NRXN1: variants seen among roughly 807,000 people sequenced by gnomAD.
NRXN1 encodes the protein neurexin 1.
NRXN1 carries 39 observed loss-of-function variants against 150.9 expected under a neutral mutation model. The ratio of observed to expected loss-of-function variants is 0.26; its 90% CI spans 0.20 to 0.34. NRXN1 has a LOEUF of 0.34. Among genes scored for constraint, NRXN1 ranks in the 10% least tolerant of loss-of-function variants. The pLI, the probability that NRXN1 is intolerant of heterozygous loss-of-function variation, is 1.00. For synonymous variants in NRXN1, 924 were observed against 757.0 expected (o/e 1.22, Z -3.62); for missense variants, 1,815 against 1,949.9 (o/e 0.93, Z 1.30).
At chr2:50,170,328 C>T (rs2059953380) in intron 18 of NRXN1, among the ~76,000 whole-genome samples, 1 of 152,028 alleles carries the variant, frequency 6.6e-6, no homozygotes, top group Non-Finnish European at 1.5e-5. Flanking sequence ...GACAGTCTCA[C>T]TCTATTGCCC....
intron 5 of NRXN1, among the ~76,000 whole-genome samples, chr2:50,846,891 T>C (rs1192021060): frequency 6.6e-6 from 1 of 152,170 alleles, no homozygotes; most frequent in Non-Finnish European, 1.5e-5. Context: ...AACGAAATAA[T>C]GACCTTAAGA....
chr2:50,808,928 C>T (rs1298224917), intron 5 of NRXN1, among the ~76,000 whole-genome samples: 1 of 152,124 alleles, frequency 6.6e-6, no homozygotes, highest in Non-Finnish European at 1.5e-5. Flanking sequence ...ACCATCCTGA[C>T]TCATAAAATT....
intron 5 of NRXN1, among the ~76,000 whole-genome samples, chr2:50,701,030 C>T (rs955587203): frequency 1.3e-5 from 2 of 152,028 alleles, no homozygotes; most frequent in Admixed American, 6.6e-5. Flanking sequence ...ACATCATAGA[C>T]AGAAATAAAA....
intron 6 of NRXN1, among the ~76,000 whole-genome samples, chr2:50,623,048 C>T (rs1446027551): frequency 6.6e-6 from 1 of 152,120 alleles, no homozygotes; most frequent in Non-Finnish European, 1.5e-5. Context: ...ACACACATCA[C>T]AGGAAGGGCA....
At chr2:49,976,705 C>A (rs1679059280) in intron 21 of NRXN1, among the ~76,000 whole-genome samples, 1 of 152,226 alleles carries the variant, frequency 6.6e-6, no homozygotes, top group East Asian at 1.9e-4. Flanking sequence ...CTTCACATCT[C>A]ATATCAACTT....
At chr2:49,930,634 C>T (rs12617277) in intron 22 of NRXN1, among the ~76,000 whole-genome samples, 32,321 of 152,060 alleles carry the variant, frequency 0.21, 3,650 homozygotes, top group East Asian at 0.3. Flanking sequence ...AATGTTTCAT[C>T]CAATAGTTTT....
intron 5 of NRXN1, among the ~76,000 whole-genome samples, chr2:50,774,874 C>T (rs1304201285): frequency 6.6e-6 from 1 of 152,140 alleles, no homozygotes; most frequent in African/African-American, 2.4e-5. Context: ...ATCCCAATCA[C>T]CAATCGAATT....
intron 5 of NRXN1, among the ~76,000 whole-genome samples, chr2:50,676,378 G>A (rs1056126350): frequency 5.9e-5 from 9 of 152,050 alleles, no homozygotes; most frequent in Admixed American, 3.9e-4. Context: ...CACAAGTCCC[G>A]AAGAAGAAGG....
chr2:50,826,262 T>A (rs2105855047), intron 5 of NRXN1, among the ~76,000 whole-genome samples: 1 of 152,238 alleles, frequency 6.6e-6, no homozygotes, highest in African/African-American at 2.4e-5. Flanking sequence ...AAGCTAGTCA[T>A]GTAATCTTCT....
At chr2:50,990,980 A>G (rs1698458287) in intron 2 of NRXN1, among the ~76,000 whole-genome samples, 2 of 152,006 alleles carry the variant, frequency 1.3e-5, no homozygotes, top group Non-Finnish European at 2.9e-5. Flanking sequence ...GACATTATTC[A>G]TTTGTTTATT....
chr2:50,776,844 C>T (rs1307585179), intron 5 of NRXN1, among the ~76,000 whole-genome samples: 2 of 152,054 alleles, frequency 1.3e-5, no homozygotes, highest in South Asian at 2.1e-4. Context: ...CCACATCACA[C>T]TGTCAATATC....
intron 19 of NRXN1, among the ~76,000 whole-genome samples, chr2:50,078,924 T>G (rs1173117297): frequency 6.6e-6 from 1 of 152,080 alleles, no homozygotes; most frequent in Non-Finnish European, 1.5e-5. Flanking sequence ...TACTGAAAAC[T>G]TTTTCGCACT....
intron 17 of NRXN1, among the ~76,000 whole-genome samples, chr2:50,354,219 A>T (rs182736821): frequency 3.9e-5 from 6 of 152,224 alleles, no homozygotes; most frequent in African/African-American, 1.4e-4. Context: ...CACACCATGT[A>T]ACTATAAATT....
chr2:50,546,931 A>C (rs547948164), intron 9 of NRXN1, among the ~76,000 whole-genome samples: 14 of 152,330 alleles, frequency 9.2e-5, no homozygotes, highest in African/African-American at 3.4e-4. Context: ...AACAAGACCT[A>C]AGCAGAGAAA....
intron 15 of NRXN1, among the ~76,000 whole-genome samples, chr2:50,484,978 C>T (rs6720227): frequency 0.056 from 8,482 of 152,164 alleles, 828 homozygotes; most frequent in African/African-American, 0.19. Context: ...AATATTTTGG[C>T]AAATACAGAT....
At chr2:50,579,790 A>G (rs1671978522) in intron 8 of NRXN1, among the ~76,000 whole-genome samples, 1 of 152,190 alleles carries the variant, frequency 6.6e-6, no homozygotes, top group South Asian at 2.1e-4. Flanking sequence ...TGTAATATGA[A>G]GGTGAATCTA....
At chr2:50,680,000 T>C (rs1195083119) in intron 5 of NRXN1, among the ~76,000 whole-genome samples, 2 of 150,770 alleles carry the variant, frequency 1.3e-5, no homozygotes, top group Non-Finnish European at 1.5e-5. Context: ...GGCATAGTGG[T>C]GTGCGCCTGT....
chr2:49,974,615 C>T (rs1191128487), intron 21 of NRXN1, among the ~76,000 whole-genome samples: 1 of 152,090 alleles, frequency 6.6e-6, no homozygotes, highest in Non-Finnish European at 1.5e-5. Flanking sequence ...GTAGAATCTC[C>T]TCGAAGCCTT....
At chr2:50,368,348 A>G (rs757922326) in intron 17 of NRXN1, among the ~76,000 whole-genome samples, 2 of 152,054 alleles carry the variant, frequency 1.3e-5, no homozygotes, top group African/African-American at 2.4e-5. Context: ...TGTATGAAGA[A>G]TTGAGAAAAT....
Sources: gnomAD v4.1 joint callset for allele counts (sites outside exome capture counted in the v4.1 genomes callset) on GRCh38, gnomAD v4.1.1 for gene constraint, MANE v1.5 for transcripts, NCBI Gene and HGNC (gene_info 2026-07-23, HGNC 2026-07-21) for gene names.